Variants in SH3RF2 observed in about 807,000 individuals in gnomAD.
SH3RF2 encodes SH3 domain containing ring finger 2.
SH3RF2 carries 43 observed loss-of-function variants against 59.0 expected under a neutral mutation model. The observed-to-expected ratio is 0.73, with a 90% CI of 0.57 to 0.94. SH3RF2 has a LOEUF of 0.94. Ranked by LOEUF, SH3RF2 falls within the 40% of genes least tolerant of loss-of-function variation. The pLI is 0.00. For missense variants in SH3RF2, 930 were observed against 940.1 expected (o/e 0.99, Z 0.14); for synonymous variants, 391 against 391.5 (o/e 1.00, Z 0.01).
At chr5:146,063,997 G>A (rs1762985135), downstream of SH3RF2, among the ~76,000 whole-genome samples, 1 of 152,148 alleles carries the variant, frequency 6.6e-6, no homozygotes, top group African/African-American at 2.4e-5. Context: ...TCTCACTTGG[G>A]GCAGATGAGC....
intron 5 of SH3RF2, among the ~76,000 whole-genome samples, chr5:146,027,056 G>T (rs1234468638): frequency 6.6e-6 from 1 of 152,194 alleles, no homozygotes; most frequent in African/African-American, 2.4e-5. Flanking sequence ...GAATGAGCTT[G>T]ATCAGCCACA....
chr5:145,941,295 C>A lies in SH3RF2; in HGVS notation c.378+2989C>A, dbSNP rs17104059. Reference sequence around the variant, plus strand: ...TGCCAACCAGTGTTCTAGGGTGGAACCAATAGTCACACCTCATGGTGCCAG... The same window carrying A: ...TGCCAACCAGTGTTCTAGGGTGGAAACAATAGTCACACCTCATGGTGCCAG... On this transcript the variant is annotated intron_variant, in intron 2 of 9. Coordinates refer to ENST00000359120, the MANE Select transcript of SH3RF2 (RefSeq NM_152550.4). Among the ~76,000 whole-genome samples, 697 of 152,228 alleles carry A rather than the reference C, an allele frequency of 4.6e-3. 3 individuals are homozygous for A. Among genetic ancestry groups the A allele is most frequent in the African/African-American group, 0.016 (672 of 41,530 alleles).
intron 4 of SH3RF2, among the ~76,000 whole-genome samples, chr5:146,007,438 G>A (rs1420164928): frequency 6.6e-6 from 1 of 152,186 alleles, no homozygotes; most frequent in African/African-American, 2.4e-5. Context: ...CATCTGCTGG[G>A]TAGGAGTGGA....
rs1761010039 is a variant in SH3RF2, at chr5:146,013,937, T to C, written c.935T>C (p.Val312Ala). ...TTALNTLNRM[V>A]HSPSGRHMVE... ...GCCTTGAACACTCTCAACCGGATGG[T>C]CCATTCTCCTTCAGGGCGCCATATG... The change falls in exon 5 of 10, where the codon GTC (valine) becomes GCC (alanine). Residue 312 changes from valine to alanine, a missense_variant. Transcript: ENST00000359120. 1 of 1,613,966 alleles carries C rather than the reference T, an allele frequency of 6.2e-7. No individual in the cohort carries two copies. The highest frequency in any genetic ancestry group is 1.1e-5 in the South Asian group (1 of 91,084).
downstream of SH3RF2, among the ~76,000 whole-genome samples, chr5:146,064,654 GAGAGAGAAAGAGAAAGAA>G (rs1763010872): frequency 7.3e-5 from 1 of 13,754 alleles, no homozygotes; most frequent in African/African-American, 9.7e-5. Context: ...AAGAAAGAGA[GAGAGAGAAAGAGAAAGAA>G]AGAAAGAAAG....
At chr5:145,973,459 C>A (rs1759164676) in intron 2 of SH3RF2, among the ~76,000 whole-genome samples, 1 of 152,202 alleles carries the variant, frequency 6.6e-6, no homozygotes, top group Admixed American at 6.5e-5. Flanking sequence ...GAGGCTCTTT[C>A]ACTCTTTCAA....
intron 7 of SH3RF2, chr5:146,050,060 T>C (rs1762442749): frequency 6.6e-6 from 1 of 152,120 alleles, no homozygotes; most frequent in African/African-American, 2.4e-5. Flanking sequence ...TCAGACCTAG[T>C]CATATGCCCA....
intron 8 of SH3RF2, among the ~76,000 whole-genome samples, chr5:146,058,833 A>G (rs1762774280): frequency 6.6e-6 from 1 of 151,630 alleles, no homozygotes; most frequent in African/African-American, 2.4e-5. Context: ...ATTTGAGGGG[A>G]AGAAATGACC....
intron 2 of SH3RF2, among the ~76,000 whole-genome samples, chr5:145,992,803 T>A (rs1422747947): frequency 2.0e-5 from 3 of 152,202 alleles, no homozygotes; most frequent in Admixed American, 6.5e-5. Flanking sequence ...AGATGAGATC[T>A]GGGCGGGGAC....
At chr5:145,978,161 C>T (rs1257239558) in intron 2 of SH3RF2, among the ~76,000 whole-genome samples, 1 of 152,190 alleles carries the variant, frequency 6.6e-6, no homozygotes, top group Non-Finnish European at 1.5e-5. Flanking sequence ...TGCAAAAAAT[C>T]ATATTCCTGA....
chr5:145,988,775 C>T (rs950574316), intron 2 of SH3RF2, among the ~76,000 whole-genome samples: 1 of 152,168 alleles, frequency 6.6e-6, no homozygotes, highest in African/African-American at 2.4e-5. Flanking sequence ...AGAAGTGGAT[C>T]ATCTGGGATT....
downstream of SH3RF2, among the ~76,000 whole-genome samples, chr5:146,066,003 T>C (rs556468674): frequency 3.9e-5 from 6 of 152,300 alleles, no homozygotes; most frequent in East Asian, 1.2e-3. Flanking sequence ...GCAAGGAAGA[T>C]GATAAACACA....
At chr5:146,049,793 G>A (rs1214685638) in intron 7 of SH3RF2, among the ~76,000 whole-genome samples, 4 of 151,890 alleles carry the variant, frequency 2.6e-5, no homozygotes, top group East Asian at 3.9e-4. Flanking sequence ...CTCCCTCACC[G>A]CTTTTCCCGA....
intron 4 of SH3RF2, among the ~76,000 whole-genome samples, chr5:146,006,767 G>A (rs1760663072): frequency 6.6e-6 from 1 of 152,198 alleles, no homozygotes. Context: ...AGTCTCAGTG[G>A]CTTAACAAAG....
chr5:145,974,735 C>T (rs1354846578), intron 2 of SH3RF2, among the ~76,000 whole-genome samples: 1 of 152,162 alleles, frequency 6.6e-6, no homozygotes, highest in Non-Finnish European at 1.5e-5. Context: ...TTCTGCTACA[C>T]TCTATAGCCC....
chr5:146,045,220 A>G (rs1263509797), intron 5 of SH3RF2, among the ~76,000 whole-genome samples: 1 of 152,220 alleles, frequency 6.6e-6, no homozygotes, highest in African/African-American at 2.4e-5. Context: ...GTTTGAAGGA[A>G]CCAGTGTGAC....
intron 9 of SH3RF2, among the ~76,000 whole-genome samples, chr5:146,073,911 G>A (rs1468089072): frequency 6.6e-6 from 1 of 152,076 alleles, no homozygotes; most frequent in Non-Finnish European, 1.5e-5. Context: ...CCAAAGGGAT[G>A]ACATTCGAGT....
chr5:145,963,204 AC>A (rs1758701630), intron 2 of SH3RF2, among the ~76,000 whole-genome samples: 1 of 151,114 alleles, frequency 6.6e-6, no homozygotes, highest in Non-Finnish European at 1.5e-5. Flanking sequence ...GCCTTATTCC[AC>A]TTTTTTTTAA....
downstream of SH3RF2, among the ~76,000 whole-genome samples, chr5:146,063,681 C>G (rs113467229): frequency 0.044 from 6,699 of 152,050 alleles, 467 homozygotes; most frequent in African/African-American, 0.15. Flanking sequence ...CCAACATGAT[C>G]AAACCCCATC....
Sources: gnomAD v4.1 joint callset for allele counts (sites outside exome capture counted in the v4.1 genomes callset) on GRCh38, gnomAD v4.1.1 for gene constraint, MANE v1.5 for transcripts, NCBI Gene and HGNC (gene_info 2026-07-23, HGNC 2026-07-21) for gene names.